Variants in CACNA2D3 observed in about 807,000 individuals in gnomAD.
The protein encoded by CACNA2D3 is calcium voltage-gated channel auxiliary subunit alpha2delta 3, also known as voltage-dependent calcium channel subunit alpha-2/delta-3.
Under a neutral mutation model 160.6 loss-of-function variants are expected in CACNA2D3, and 60 were observed. That is an observed-to-expected ratio of 0.37 (90% CI 0.30 to 0.46). The LOEUF is 0.46. Among genes scored for constraint, CACNA2D3 ranks in the 20% least tolerant of loss-of-function variants. The pLI is 1.00. For missense variants in CACNA2D3, 1,205 were observed against 1,365.0 expected (o/e 0.88, Z 1.85); for synonymous variants, 558 against 492.9 (o/e 1.13, Z -1.75).
chr3:54,839,263 A>AT (rs374838681), intron 16 of CACNA2D3, among the ~76,000 whole-genome samples: 1 of 152,144 alleles, frequency 6.6e-6, no homozygotes, highest in Non-Finnish European at 1.5e-5. Context: ...ATATCAAAAA[A>AT]TAAAAAAAAA....
At chr3:54,604,812 G>A (rs1314945777) in intron 9 of CACNA2D3, among the ~76,000 whole-genome samples, 2 of 152,184 alleles carry the variant, frequency 1.3e-5, no homozygotes, top group Non-Finnish European at 2.9e-5. Flanking sequence ...AGAGTGCTGT[G>A]CCTTGTTAAC....
rs948660836 is a variant in CACNA2D3, at chr3:54,973,792, T to C, written c.2556+3948T>C. 2.6e-5 allele frequency among the ~76,000 whole-genome samples: 4 copies of C among 152,194 alleles called. 1 individual carries two copies. Among genetic ancestry groups the C allele is most frequent in the South Asian group, 4.1e-4 (2 of 4,830 alleles). On this transcript the variant is annotated intron_variant, in intron 29 of 37. Coordinates refer to ENST00000474759, the MANE Select transcript of CACNA2D3 (RefSeq NM_018398.3). ...TTTTTCAAAAGACAGTGTTTTGATA[T>C]GATCATTAGTTAATGCAAAGATAGA... is the stretch of plus-strand genomic sequence containing the variant.
At chr3:54,600,248 G>C (rs1196015420) in intron 9 of CACNA2D3, among the ~76,000 whole-genome samples, 1 of 152,196 alleles carries the variant, frequency 6.6e-6, no homozygotes, top group Non-Finnish European at 1.5e-5. Flanking sequence ...AACCCTCTGA[G>C]TTTCCCTCAC....
intron 13 of CACNA2D3, among the ~76,000 whole-genome samples, chr3:54,772,552 G>A (rs1320242163): frequency 6.6e-6 from 1 of 151,990 alleles, no homozygotes; most frequent in Non-Finnish European, 1.5e-5. Flanking sequence ...GTTGCTACCA[G>A]TCTGATTAAA....
At chr3:54,194,456 C>T (rs1011716235) in intron 2 of CACNA2D3, among the ~76,000 whole-genome samples, 1 of 152,152 alleles carries the variant, frequency 6.6e-6, no homozygotes, top group Admixed American at 6.5e-5. Flanking sequence ...AGCCCCAGTT[C>T]TCCCTCTTTC....
chr3:54,671,811 C>T (rs1385467577), intron 11 of CACNA2D3, among the ~76,000 whole-genome samples: 1 of 152,180 alleles, frequency 6.6e-6, no homozygotes, highest in Non-Finnish European at 1.5e-5. Flanking sequence ...CAAGACCTAG[C>T]ACCCTAAGAC....
At chr3:54,123,622 A>G in intron 2 of CACNA2D3, 28 bp downstream of exon 2, 2 of 1,583,360 alleles carry the variant, frequency 1.3e-6, no homozygotes, top group South Asian at 2.2e-5. Context: ...GCAGGAAGCG[A>G]TGATTTTTCC....
chr3:54,844,013 C>T (rs531025277), intron 16 of CACNA2D3, among the ~76,000 whole-genome samples: 1 of 152,232 alleles, frequency 6.6e-6, no homozygotes, highest in South Asian at 2.1e-4. Flanking sequence ...AGACTGAGGC[C>T]AGCACATGGA....
At chr3:54,715,073 C>T (rs759913061) in intron 11 of CACNA2D3, among the ~76,000 whole-genome samples, 2 of 152,168 alleles carry the variant, frequency 1.3e-5, no homozygotes, top group Non-Finnish European at 1.5e-5. Flanking sequence ...AGGTTGAGGA[C>T]TGTCCCTCAA....
intron 14 of CACNA2D3, among the ~76,000 whole-genome samples, chr3:54,831,503 C>T (rs1447624091): frequency 2.0e-5 from 3 of 152,236 alleles, no homozygotes; most frequent in Non-Finnish European, 2.9e-5. Context: ...AGCTGCTCCC[C>T]ACCATGGGCA....
At chr3:54,912,213 C>T in intron 27 of CACNA2D3, among the ~76,000 whole-genome samples, 1 of 152,134 alleles carries the variant, frequency 6.6e-6, no homozygotes, top group Middle Eastern at 3.2e-3. Context: ...AGAGAGTGAG[C>T]AAGATAGAAG....
chr3:54,737,515 G>A (rs921195428), intron 11 of CACNA2D3, among the ~76,000 whole-genome samples: 1 of 152,138 alleles, frequency 6.6e-6, no homozygotes, highest in Non-Finnish European at 1.5e-5. Context: ...AGTCTAGCCT[G>A]GGAAGAAGAG....
At chr3:54,846,634 AATAC>A (rs1477181907) in intron 17 of CACNA2D3, among the ~76,000 whole-genome samples, 167 bp downstream of exon 17, 1 of 152,260 alleles carries the variant, frequency 6.6e-6, no homozygotes, top group Non-Finnish European at 1.5e-5. Flanking sequence ...TTGGACACAT[AATAC>A]ATAAATAATG....
At chr3:54,133,187 G>A (rs528170703) in intron 2 of CACNA2D3, among the ~76,000 whole-genome samples, 1 of 152,170 alleles carries the variant, frequency 6.6e-6, no homozygotes, top group African/African-American at 2.4e-5. Context: ...TGATGCAGGC[G>A]TTTTTTGTAT....
At chr3:54,810,441 A>C (rs1311466224) in intron 13 of CACNA2D3, among the ~76,000 whole-genome samples, 1 of 152,204 alleles carries the variant, frequency 6.6e-6, no homozygotes, top group African/African-American at 2.4e-5. Flanking sequence ...GCTCTATAGT[A>C]GAGTGCGGAT....
At chr3:54,453,359 A>G (rs1397557773) in intron 4 of CACNA2D3, among the ~76,000 whole-genome samples, 2 of 152,120 alleles carry the variant, frequency 1.3e-5, no homozygotes, top group Non-Finnish European at 2.9e-5. Context: ...ATGACCTTTA[A>G]TTGACTTTTT....
chr3:54,879,418 C>G lies in CACNA2D3; in HGVS notation c.1844+7C>G, dbSNP rs746806582. On this transcript the variant is annotated splice_region_variant and intron_variant, in intron 20 of 37. Coordinates refer to ENST00000474759, the MANE Select transcript of CACNA2D3 (RefSeq NM_018398.3). ...TCAAGGGTACTCCTTTCAGGTAGAG[C>G]TGACCATAATACATGGACATTCCAT... The G allele has an allele frequency of 6.3e-7, 1 of 1,596,988 alleles. No homozygotes were observed. The highest frequency in any genetic ancestry group is 8.6e-7 in the Non-Finnish European group (1 of 1,166,582).
At chr3:55,026,626 G>T (rs535893662) in intron 35 of CACNA2D3, among the ~76,000 whole-genome samples, 1 of 152,302 alleles carries the variant, frequency 6.6e-6, no homozygotes, top group African/African-American at 2.4e-5. Context: ...GCAGAGAGAA[G>T]AGCATTGTGG....
chr3:54,999,692 C>G (rs1223481140), intron 31 of CACNA2D3, among the ~76,000 whole-genome samples: 2 of 152,166 alleles, frequency 1.3e-5, no homozygotes, highest in Non-Finnish European at 2.9e-5. Flanking sequence ...TGTTGAGCCC[C>G]ACAGTTGCTA....
Sources: gnomAD v4.1 joint callset for allele counts (sites outside exome capture counted in the v4.1 genomes callset) on GRCh38, gnomAD v4.1.1 for gene constraint, MANE v1.5 for transcripts, NCBI Gene and HGNC (gene_info 2026-07-23, HGNC 2026-07-21) for gene names.